TEX29: variants seen among roughly 807,000 people sequenced by gnomAD.
The protein encoded by TEX29 is testis-expressed protein 29.
In TEX29, 26 loss-of-function variants were observed where a neutral mutation model predicts 18.2. That is an observed-to-expected ratio of 1.43 (90% confidence interval 1.04 to 1.98). The LOEUF (loss-of-function observed/expected upper bound fraction) is 1.98. Ranked by LOEUF, TEX29 falls within the 30% of genes most tolerant of loss-of-function variation. The probability of loss-of-function intolerance (pLI) is 0.00; values close to 1 mark genes in which losing one functional copy is unlikely to be tolerated. For synonymous variants in TEX29, 83 were observed against 78.5 expected (o/e 1.06, Z -0.31); for missense variants, 177 against 194.2 (o/e 0.91, Z 0.53).
chr13:111,326,877 G>T (rs556032199), intron 2 of TEX29, among the ~76,000 whole-genome samples: 1 of 152,142 alleles, frequency 6.6e-6, no homozygotes, highest in Non-Finnish European at 1.5e-5. Flanking sequence ...CAGGAAAAAG[G>T]CCGTGGTGCC....
At chr13:111,325,212 G>A (rs148356322) in intron 2 of TEX29, among the ~76,000 whole-genome samples, 3 of 152,292 alleles carry the variant, frequency 2.0e-5, no homozygotes, top group Non-Finnish European at 4.4e-5. Context: ...CTGAGGCAGC[G>A]CCTCCCCGTT....
At position 111,344,110 on chromosome 13, in the gene TEX29, A is replaced by T; in HGVS notation, c.443A>T (p.Glu148Val). 3 of 1,613,598 alleles carry T rather than the reference A, an allele frequency of 1.9e-6. No individual in the cohort carries two copies. Among genetic ancestry groups the T allele is most frequent in the Non-Finnish European group, 2.5e-6 (3 of 1,179,684 alleles). ...ACAGGGACAATAACAGAAGCCGAAG[A>T]AACTGAGGACTGACTGAGACGCATG... ...DVTGTITEAE[E>V]TED Residue 148 changes from glutamate (E) to valine (V), a missense_variant, in exon 6 of 6, where the codon GAA becomes GTA. Coordinates refer to ENST00000283547, the MANE Select transcript of TEX29 (RefSeq NM_152324.3).
At chr13:111,330,431 G>A (rs1384026521) in intron 3 of TEX29, among the ~76,000 whole-genome samples, 2 of 152,184 alleles carry the variant, frequency 1.3e-5, no homozygotes, top group East Asian at 1.9e-4. Flanking sequence ...TGATGACGAC[G>A]GCTCCTGCAG....
intron 2 of TEX29, among the ~76,000 whole-genome samples, chr13:111,323,229 C>A (rs1164332345): frequency 6.6e-6 from 1 of 152,252 alleles, no homozygotes; most frequent in African/African-American, 2.4e-5. Context: ...AGCCCCCTAG[C>A]AGGTGATGGC....
intron 3 of TEX29, among the ~76,000 whole-genome samples, chr13:111,338,211 A>G (rs1221566848): frequency 2.0e-5 from 3 of 152,186 alleles, no homozygotes; most frequent in Non-Finnish European, 1.5e-5. Context: ...CCTAATTTAG[A>G]AAAAAGGGTC....
At chr13:111,316,981 A>G (rs2479968), upstream of TEX29, among the ~76,000 whole-genome samples, 28,608 of 151,896 alleles carry the variant, frequency 0.19, 4,810 homozygotes, top group African/African-American at 0.44. Context: ...ACTCACTATC[A>G]TGAGAACAGC....
upstream of TEX29, among the ~76,000 whole-genome samples, chr13:111,316,694 G>A (rs1463322473): frequency 6.6e-6 from 1 of 152,208 alleles, no homozygotes; most frequent in Non-Finnish European, 1.5e-5. Flanking sequence ...CCAAATACCG[G>A]ATGCACATTG....
intron 2 of TEX29, among the ~76,000 whole-genome samples, chr13:111,321,511 C>T (rs1351199782): frequency 2.0e-5 from 3 of 152,146 alleles, no homozygotes; most frequent in African/African-American, 7.2e-5. Flanking sequence ...GCACCTCCCC[C>T]GGGAGGCAGG....
At chr13:111,339,668 G>A (rs1398990876) in intron 3 of TEX29, among the ~76,000 whole-genome samples, 195 bp from the exon 4 acceptor site, 3 of 152,208 alleles carry the variant, frequency 2.0e-5, no homozygotes, top group Non-Finnish European at 2.9e-5. Context: ...GCCCTCGCCT[G>A]CCTGCGGGGG....
At chr13:111,342,140 A>G (rs967985499) in intron 4 of TEX29, among the ~76,000 whole-genome samples, 1 of 152,216 alleles carries the variant, frequency 6.6e-6, no homozygotes, top group Admixed American at 6.5e-5. Flanking sequence ...GGAATCCAGC[A>G]TCTCACTCCC....
At chr13:111,321,053 C>T in intron 2 of TEX29, 105 bp downstream of exon 2, 1 of 1,314,658 alleles carries the variant, frequency 7.6e-7, no homozygotes, top group Non-Finnish European at 1.1e-6. Flanking sequence ...GGGTCCTGGT[C>T]CCAGACCTGG....
At chr13:111,339,025 T>G (rs1291146353) in intron 3 of TEX29, among the ~76,000 whole-genome samples, 1 of 152,112 alleles carries the variant, frequency 6.6e-6, no homozygotes, top group African/African-American at 2.4e-5. Context: ...TGCTGAGCAG[T>G]GGGCAGTCTC....
At chr13:111,317,088 C>G (rs2093655784), upstream of TEX29, among the ~76,000 whole-genome samples, 1 of 152,146 alleles carries the variant, frequency 6.6e-6, no homozygotes, top group African/African-American at 2.4e-5. Flanking sequence ...GGTGGGGACA[C>G]AGAGCCAACC....
chr13:111,339,542 C>T (rs1273479785), intron 3 of TEX29: 3 of 469,046 alleles, frequency 6.4e-6, no homozygotes, highest in East Asian at 8.5e-5. Flanking sequence ...TCTTTCCATG[C>T]ACTCCCGGGG....
chr13:111,342,650 C>T (rs1485042481), intron 4 of TEX29, 106 bp from the exon 5 acceptor site: 7 of 1,065,996 alleles, frequency 6.6e-6, no homozygotes, highest in East Asian at 2.7e-5. Context: ...TATGCATGAT[C>T]AGGAACCTGT....
chr13:111,339,871 C>G lies in TEX29; in HGVS notation c.178C>G (p.His60Asp), dbSNP rs1186811600. Residue 60 changes from histidine (H) to aspartate (D), a missense_variant, in exon 4 of 6, where the codon CAC becomes GAC. Transcript: ENST00000283547. ...ATCCCACCATTTTTCAGTTTACATCCACGTGTTCTCTGCCTTGATTGTGAT... is the reference window on the plus strand; with the variant it reads ...ATCCCACCATTTTTCAGTTTACATCGACGTGTTCTCTGCCTTGATTGTGAT... ...CYKKAVPIYI[H>D]VFSALIVIIA... The G allele has an allele frequency of 6.2e-7, 1 of 1,613,718 alleles. No homozygotes were observed. Among genetic ancestry groups the G allele is most frequent in the Non-Finnish European group, 8.5e-7 (1 of 1,179,758 alleles).
In TEX29 at chr13:111,339,895, A is replaced by G. The variant is rs778675719; in HGVS notation, c.202A>G (p.Ile68Val). 3 of 1,611,820 alleles carry G rather than the reference A, an allele frequency of 1.9e-6. No homozygotes were observed. The highest frequency in any genetic ancestry group is 2.5e-6 in the Non-Finnish European group (3 of 1,179,222). The change falls in exon 4 of 6, where the codon ATC becomes GTC. Residue 68 changes from isoleucine to valine, a missense_variant. By Grantham distance (29) the Ile-to-Val change is conservative. Coordinates refer to ENST00000283547, the MANE Select transcript of TEX29 (RefSeq NM_152324.3). ...YIHVFSALIV[I>V]IAGAFVITII... is the part of the protein sequence containing the mutation. ...CCACGTGTTCTCTGCCTTGATTGTG[A>G]TCATCGCTGGGGCCTTCGTCATCAC...
At chr13:111,333,482 C>T (rs2093685396) in intron 3 of TEX29, among the ~76,000 whole-genome samples, 1 of 152,180 alleles carries the variant, frequency 6.6e-6, no homozygotes, top group Non-Finnish European at 1.5e-5. Context: ...GTTTTGCCTG[C>T]TCAAATCTGC....
chr13:111,325,436 G>A (rs1320578761), intron 2 of TEX29, among the ~76,000 whole-genome samples: 1 of 152,178 alleles, frequency 6.6e-6, no homozygotes, highest in Non-Finnish European at 1.5e-5. Context: ...TGCCAGTGAT[G>A]TTTCTAGAGG....
Sources: gnomAD v4.1 joint callset for allele counts (sites outside exome capture counted in the v4.1 genomes callset) on GRCh38, gnomAD v4.1.1 for gene constraint, MANE v1.5 for transcripts, NCBI Gene and HGNC (gene_info 2026-07-23, HGNC 2026-07-21) for gene names.